EIF2AK4: variants seen among roughly 807,000 people sequenced by gnomAD.
EIF2AK4 encodes the protein eIF-2-alpha kinase GCN2.
EIF2AK4 carries 139 observed loss-of-function variants against 211.1 expected under a neutral mutation model. That is an observed-to-expected ratio of 0.66 (90% CI 0.57 to 0.76). EIF2AK4 has a LOEUF of 0.76. Ranked by LOEUF, EIF2AK4 falls within the 30% of genes least tolerant of loss-of-function variation. The pLI is 0.00. For synonymous variants in EIF2AK4, 710 were observed against 751.3 expected, an observed-to-expected ratio of 0.94 and a Z score of 0.90; for missense variants, 1,664 against 2,043.8, an observed-to-expected ratio of 0.81 and a Z score of 3.58.
At chr15:39,992,387 T>C (rs1448409660) in intron 17 of EIF2AK4, 158 bp downstream of exon 17, 8 of 582,476 alleles carry the variant, frequency 1.4e-5, no homozygotes, top group Non-Finnish European at 2.8e-6. Flanking sequence ...CTTTTTTTCC[T>C]TTTCAATTTA....
chr15:40,008,304 A>G (rs1005586175), intron 25 of EIF2AK4, 109 bp downstream of exon 25: 16 of 993,864 alleles, frequency 1.6e-5, no homozygotes, highest in Admixed American at 8.4e-5. Flanking sequence ...CCTGCAGATG[A>G]ATCACATCTT....
intron 1 of EIF2AK4, 33 bp downstream of exon 1, chr15:39,934,372 G>A (rs1300819467): frequency 1.9e-6 from 3 of 1,582,388 alleles, no homozygotes; most frequent in African/African-American, 1.4e-5. Flanking sequence ...CCGGGCTGGC[G>A]TGCCCTGGCC....
intron 3 of EIF2AK4, among the ~76,000 whole-genome samples, chr15:39,947,436 T>A (rs998777683): frequency 2.0e-4 from 30 of 152,366 alleles, no homozygotes; most frequent in African/African-American, 7.2e-4. Flanking sequence ...CAGCTCTTTG[T>A]CATGTAAAAA....
At chr15:40,002,314 T>C (rs1008179989) in intron 21 of EIF2AK4, 3 of 160,876 alleles carry the variant, frequency 1.9e-5, no homozygotes, top group African/African-American at 7.2e-5. Flanking sequence ...GTAAATGCCA[T>C]GTAGCTTTCA....
intron 23 of EIF2AK4, among the ~76,000 whole-genome samples, chr15:40,005,606 C>G (rs1483313755): frequency 1.3e-5 from 2 of 151,004 alleles, no homozygotes; most frequent in Non-Finnish European, 3.0e-5. Context: ...GAGTCTCACT[C>G]TGTCTCTCAG....
intron 14 of EIF2AK4, among the ~76,000 whole-genome samples, chr15:39,986,946 T>C (rs1325924699): frequency 6.6e-6 from 1 of 152,134 alleles, no homozygotes; most frequent in East Asian, 1.9e-4. Flanking sequence ...AGTATTTCAG[T>C]CATAACTGCA....
Position 39,999,024 on chromosome 15 carries a change from T to C in EIF2AK4, c.2922+240T>C, listed in dbSNP as rs200762368. 4.7e-4 allele frequency among the ~76,000 whole-genome samples: 72 copies of C among 152,214 alleles called. No individual in the cohort carries two copies. In the East Asian group the frequency reaches 0.014, roughly 29 times the overall value. Reference sequence around the variant, plus strand: ...CAGGGTTCTTTTGTGCAATTCGTTGTGCTTTTGAAGTGCTATTTGGACCCT... The same window carrying C: ...CAGGGTTCTTTTGTGCAATTCGTTGCGCTTTTGAAGTGCTATTTGGACCCT... On this transcript the variant is annotated intron_variant, in intron 20 of 38. Transcript: ENST00000263791.
chr15:39,984,509 G>T (rs1436323345), intron 13 of EIF2AK4, among the ~76,000 whole-genome samples: 1 of 152,094 alleles, frequency 6.6e-6, no homozygotes, highest in Non-Finnish European at 1.5e-5. Flanking sequence ...CCATTTGTTT[G>T]TGTCCTCTTT....
chr15:39,954,066 A>T (rs182046939), intron 5 of EIF2AK4, 82 bp downstream of exon 5: 11 of 1,133,846 alleles, frequency 9.7e-6, no homozygotes, highest in Non-Finnish European at 2.5e-6. Context: ...CTGTGTTACT[A>T]TCAGTAATAC....
chr15:40,030,465 G>T lies in EIF2AK4; in HGVS notation c.4659+9G>T, dbSNP rs1379932916. 3 of 1,611,964 alleles carry T rather than the reference G, an allele frequency of 1.9e-6. No homozygotes were observed. Among genetic ancestry groups the T allele is most frequent in the Non-Finnish European group, 2.5e-6 (3 of 1,178,976 alleles). ...GGCGCTATGAAACTCAGGTACACTG[G>T]GTCAGGGTTTCTTTGGCTTTCTAAT... On this transcript the variant is annotated intron_variant, in intron 35 of 38. Transcript: ENST00000263791.
At chr15:39,971,152 A>C (rs1049866036) in intron 9 of EIF2AK4, among the ~76,000 whole-genome samples, 2 of 152,224 alleles carry the variant, frequency 1.3e-5, no homozygotes, top group African/African-American at 4.8e-5. Flanking sequence ...CAGGAGGCCT[A>C]GGTGAGAGTA....
chr15:40,002,890 T>C, intron 22 of EIF2AK4, 102 bp downstream of exon 22: 1 of 1,328,232 alleles, frequency 7.5e-7, no homozygotes, highest in Non-Finnish European at 1.1e-6. Flanking sequence ...TACTTTCAAA[T>C]TCAGTTATAA....
intron 11 of EIF2AK4, chr15:39,974,599 G>T (rs1350140334): frequency 6.6e-6 from 1 of 152,224 alleles, no homozygotes; most frequent in East Asian, 1.9e-4. Context: ...TGTCTAAGAG[G>T]AGGGGATGAT....
At chr15:39,992,473 A>G (rs1343160795) in intron 17 of EIF2AK4, 6 of 533,256 alleles carry the variant, frequency 1.1e-5, no homozygotes, top group South Asian at 2.8e-5. Flanking sequence ...AGACAGTTTT[A>G]TTTTGTCTAA....
rs1329316029 is a variant in EIF2AK4, at chr15:39,946,663, G to A, written c.361-2453G>A. The A allele has an allele frequency of 5.7e-6, 4 of 700,260 alleles. No homozygotes were observed. In the African/African-American group the frequency reaches 7.0e-5, roughly 12 times the overall value. 43.4% of individuals were successfully genotyped at this position (700,260 alleles called of 1,614,324 possible). A position where few individuals can be genotyped will look rare whatever the true frequency, so the allele number is the denominator to read the frequency against. On this transcript the variant is annotated intron_variant, in intron 3 of 38. Coordinates refer to ENST00000263791, the MANE Select transcript of EIF2AK4 (RefSeq NM_001013703.4). ...GACTCAAAGGCTATCAAACAGCATT[G>A]AATGCTACAGAGAAATCTTCCATGA...
intron 38 of EIF2AK4, 46 bp from the exon 39 acceptor site, chr15:40,034,981 C>T (rs1156925125): frequency 6.8e-7 from 1 of 1,471,836 alleles, no homozygotes; most frequent in East Asian, 2.3e-5. Flanking sequence ...CTGTTCTTCA[C>T]TCATTAAACT....
At chr15:39,983,201 G>A (rs147926847) in intron 13 of EIF2AK4, among the ~76,000 whole-genome samples, 1,884 of 152,262 alleles carry the variant, frequency 0.012, 17 homozygotes, top group South Asian at 0.025. Context: ...ATCCTCCCCA[G>A]CATCTGTTGT....
chr15:40,007,163 C>A, intron 24 of EIF2AK4, 98 bp downstream of exon 24: 1 of 1,118,850 alleles, frequency 8.9e-7, no homozygotes, highest in South Asian at 1.4e-5. Context: ...GATCCTTACA[C>A]AGTTAAGAAT....
chr15:39,951,922 C>T (rs1400017656), intron 4 of EIF2AK4, among the ~76,000 whole-genome samples: 4 of 152,174 alleles, frequency 2.6e-5, no homozygotes, highest in South Asian at 2.1e-4. Flanking sequence ...ACCTATACTA[C>T]GTTCTATTTG....
Sources: gnomAD v4.1 joint callset for allele counts (sites outside exome capture counted in the v4.1 genomes callset) on GRCh38, gnomAD v4.1.1 for gene constraint, MANE v1.5 for transcripts, NCBI Gene and HGNC (gene_info 2026-07-23, HGNC 2026-07-21) for gene names.